CNIH3: variants seen among roughly 807,000 people sequenced by gnomAD.
CNIH3 encodes protein cornichon homolog 3.
CNIH3 carries 14 observed loss-of-function variants against 24.1 expected under a neutral mutation model. The observed-to-expected ratio is 0.58, with a 90% CI of 0.38 to 0.91. The LOEUF (loss-of-function observed/expected upper bound fraction) is 0.91, where lower values mean the gene tolerates loss of function less well. CNIH3 is among the 40% of genes least tolerant of loss of function. The probability of loss-of-function intolerance (pLI) is 0.00; values close to 1 mark genes in which losing one functional copy is unlikely to be tolerated. For synonymous variants in CNIH3, 68 were observed against 73.8 expected, an observed-to-expected ratio of 0.92 and a Z score of 0.40; for missense variants, 178 against 196.8, an observed-to-expected ratio of 0.90 and a Z score of 0.57.
intron 1 of CNIH3, among the ~76,000 whole-genome samples, chr1:224,670,779 A>T (rs943140190): frequency 5.9e-5 from 9 of 152,222 alleles, no homozygotes; most frequent in Admixed American, 2.0e-4. Flanking sequence ...CCCACTGGCC[A>T]GGGCCCAGCC....
rs182899992 is a variant in CNIH3 at position 224,452,988 on chromosome 1, C to T, written n.203+18126C>T. 4.7e-3 allele frequency among the ~76,000 whole-genome samples: 697 copies of T among 146,872 alleles called. 19 individuals are homozygous for T. The highest frequency in any genetic ancestry group is 0.041 in the Admixed American group (592 of 14,608). ...ATACAAAATTAGCCGGTTTTGGTGG[C>T]GCATGCCTGTAATCCCAGCTACTCG... is the stretch of plus-strand genomic sequence containing the variant. On this transcript the variant is annotated intron_variant and non_coding_transcript_variant, in intron 1 of 5. Coordinates refer to the CNIH3 transcript ENST00000471578.
At chr1:224,451,381 C>A (rs867362) in intron 1 of CNIH3, among the ~76,000 whole-genome samples, 104,557 of 152,042 alleles carry the variant, frequency 0.69, 38,407 homozygotes, top group East Asian at 0.99. Context: ...ACTAGAGATC[C>A]ATACTTTTTT....
chr1:224,622,309 A>G (rs892580538), intron 1 of CNIH3, among the ~76,000 whole-genome samples: 3 of 152,114 alleles, frequency 2.0e-5, no homozygotes, highest in African/African-American at 7.2e-5. Context: ...GCCATGGGGT[A>G]TAGGGCCCTT....
chr1:224,609,335 C>A (rs980770397), intron 3 of CNIH3, among the ~76,000 whole-genome samples: 2 of 152,134 alleles, frequency 1.3e-5, no homozygotes, highest in African/African-American at 4.8e-5. Context: ...TTATAATAAA[C>A]ACTCAAAGAA....
chr1:224,536,090 G>A (rs928970305), intron 2 of CNIH3, among the ~76,000 whole-genome samples: 5 of 152,062 alleles, frequency 3.3e-5, no homozygotes, highest in Non-Finnish European at 7.4e-5. Context: ...TCCCCAGCAG[G>A]GATGAGGATG....
intron 3 of CNIH3, among the ~76,000 whole-genome samples, chr1:224,729,435 AGG>A: frequency 6.7e-6 from 1 of 149,424 alleles, no homozygotes. Context: ...AAAAAAAAAA[AGG>A]TAAGTGGCAT....
intron 4 of CNIH3, among the ~76,000 whole-genome samples, chr1:224,577,760 T>G (rs1020622592): frequency 1.3e-5 from 2 of 152,158 alleles, no homozygotes; most frequent in Non-Finnish European, 2.9e-5. Context: ...AAAAGACACT[T>G]GCACATGCAG....
intron 1 of CNIH3, among the ~76,000 whole-genome samples, chr1:224,662,521 A>G (rs1172361810): frequency 6.6e-6 from 1 of 152,238 alleles, no homozygotes; most frequent in Non-Finnish European, 1.5e-5. Context: ...GACACTTTAA[A>G]ATATCTAACA....
intron 1 of CNIH3, among the ~76,000 whole-genome samples, chr1:224,621,839 T>C (rs951663644): frequency 2.6e-5 from 4 of 152,224 alleles, no homozygotes; most frequent in Non-Finnish European, 5.9e-5. Flanking sequence ...TCATCTTGAA[T>C]TGTAGCTCTC....
chr1:224,628,907 A>G (rs756647431), intron 1 of CNIH3, among the ~76,000 whole-genome samples: 1 of 151,962 alleles, frequency 6.6e-6, no homozygotes, highest in South Asian at 2.1e-4. Flanking sequence ...AATCAGAAAA[A>G]ATTTAAATCT....
At chr1:224,517,559 G>A (rs1678443496) in intron 1 of CNIH3, among the ~76,000 whole-genome samples, 1 of 152,054 alleles carries the variant, frequency 6.6e-6, no homozygotes, top group Non-Finnish European at 1.5e-5. Context: ...TGATTTCTGA[G>A]ATTTTGATGC....
chr1:224,676,639 C>T (rs6426147), intron 1 of CNIH3, among the ~76,000 whole-genome samples: 38,681 of 152,058 alleles, frequency 0.25, 5,179 homozygotes, highest in East Asian at 0.4. Context: ...AGGACACACA[C>T]GGAGGCTGGT....
intron 1 of CNIH3, among the ~76,000 whole-genome samples, chr1:224,444,943 CTTT>C (rs77862419): frequency 1.5e-5 from 2 of 136,188 alleles, no homozygotes; most frequent in Non-Finnish European, 1.6e-5. Flanking sequence ...ACGCCCGGCC[CTTT>C]TTTTTTTTTT....
chr1:224,685,799 T>C lies in CNIH3; in HGVS notation c.198+956T>C, dbSNP rs539082988. On this transcript the variant is annotated intron_variant, in intron 3 of 5. Transcript: ENST00000272133. ...ATTTTTCTAGCTAATTACTTGTCTT[T>C]TAATGTCTTCTAAGAGAGCCAGTGT... Among the ~76,000 whole-genome samples, 73 of 152,238 alleles carry C rather than the reference T, an allele frequency of 4.8e-4. 2 individuals carry two copies. The highest frequency in any genetic ancestry group is 2.2e-4 in the Non-Finnish European group (15 of 68,044).
chr1:224,717,851 A>G (rs1688508584), intron 3 of CNIH3: 1 of 152,246 alleles, frequency 6.6e-6, no homozygotes, highest in Non-Finnish European at 1.5e-5. Context: ...GGCCAGACCT[A>G]CTGAACCTGA....
intron 3 of CNIH3, among the ~76,000 whole-genome samples, chr1:224,600,427 G>A (rs986765393): frequency 2.0e-4 from 31 of 152,188 alleles, no homozygotes; most frequent in African/African-American, 7.5e-4. Flanking sequence ...CCCAACCTCA[G>A]GTGACCTGCC....
chr1:224,687,081 G>A (rs1427980598), intron 3 of CNIH3, among the ~76,000 whole-genome samples: 2 of 152,266 alleles, frequency 1.3e-5, no homozygotes, highest in East Asian at 3.9e-4. Context: ...AGGCATCAGA[G>A]GACATGAGAC....
chr1:224,590,801 C>G (rs1479935205), downstream of CNIH3, among the ~76,000 whole-genome samples: 2 of 151,486 alleles, frequency 1.3e-5, no homozygotes, highest in African/African-American at 2.4e-5. Context: ...CCCTTCTTCC[C>G]CACCGCCCCG....
At position 224,696,495 on chromosome 1, in the gene CNIH3, C is replaced by T. The variant is rs972323732; in HGVS notation, c.198+11652C>T. Among the ~76,000 whole-genome samples, 4 of 152,196 alleles carry T rather than the reference C, an allele frequency of 2.6e-5. No homozygotes were observed. The East Asian group carries it at 7.7e-4, about 29-fold the overall frequency. ...AAGTCGGTCAGCAGCGCAGCCTGTG[C>T]AGGGCACACAGCCACTGATGTGCAC... is the stretch of plus-strand genomic sequence containing the variant. On this transcript the variant is annotated intron_variant, in intron 3 of 5. Transcript: ENST00000272133.
Sources: gnomAD v4.1 joint callset for allele counts (sites outside exome capture counted in the v4.1 genomes callset) on GRCh38, gnomAD v4.1.1 for gene constraint, MANE v1.5 for transcripts, NCBI Gene and HGNC (gene_info 2026-07-23, HGNC 2026-07-21) for gene names.